Variants in SLAIN1 observed in about 807,000 individuals in gnomAD.
SLAIN1 encodes the protein SLAIN motif-containing protein 1.
Under a neutral mutation model 55.4 loss-of-function variants are expected in SLAIN1, and 17 were observed. That is an observed-to-expected ratio of 0.31 (90% confidence interval 0.21 to 0.46). The LOEUF is 0.46. Ranked by LOEUF, SLAIN1 falls within the 20% of genes least tolerant of loss-of-function variation. SLAIN1 has a pLI of 1.00. For missense variants in SLAIN1, 682 were observed against 785.1 expected, an observed-to-expected ratio of 0.87 and a Z score of 1.57; for synonymous variants, 348 against 337.4, an observed-to-expected ratio of 1.03 and a Z score of -0.35.
intron 1 of SLAIN1, among the ~76,000 whole-genome samples, chr13:77,713,273 T>G (rs2091171410): frequency 6.6e-6 from 1 of 152,002 alleles, no homozygotes; most frequent in Admixed American, 6.6e-5. Context: ...TTGCAATCTA[T>G]CCACCTGACA....
At chr13:77,745,082 C>T (rs984645054) in intron 3 of SLAIN1, among the ~76,000 whole-genome samples, 1 of 151,894 alleles carries the variant, frequency 6.6e-6, no homozygotes, top group East Asian at 1.9e-4. Flanking sequence ...AGGTATAGGG[C>T]TTAGGGTCTC....
intron 4 of SLAIN1, among the ~76,000 whole-genome samples, chr13:77,749,948 C>G (rs891142560): frequency 1.3e-5 from 2 of 152,080 alleles, no homozygotes; most frequent in African/African-American, 4.8e-5. Context: ...GAGGCATAGC[C>G]AAATGTAACG....
chr13:77,698,754 C>G lies in SLAIN1; in HGVS notation c.626+215C>G. The G allele has an allele frequency of 1.8e-6, 2 of 1,137,508 alleles. No homozygotes were observed. The highest frequency in any genetic ancestry group is 2.4e-6 in the Non-Finnish European group (2 of 840,354). The allele number at this position is 1,137,508 out of a possible 1,614,324, so 70.5% of individuals were successfully genotyped here. On this transcript the variant is annotated intron_variant, in intron 1 of 6. Transcript: ENST00000418532. The surrounding 1 kb of genome is among the most constrained non-coding windows in gnomAD (Gnocchi z 4.1). The stretch of plus-strand genomic sequence containing the variant: ...GGCAGAAACCTGTTTTCTAATCGCT[C>G]CGACTGCGGATGAACCGGCCCCCCC...
chr13:77,722,842 G>T (rs1314981919), intron 2 of SLAIN1, among the ~76,000 whole-genome samples: 1 of 152,156 alleles, frequency 6.6e-6, no homozygotes, highest in Admixed American at 6.6e-5. Flanking sequence ...TGCCTCCTGG[G>T]TTCAAGGGAT....
At chr13:77,706,946 C>G (rs1432296839) in intron 1 of SLAIN1, among the ~76,000 whole-genome samples, 1 of 152,044 alleles carries the variant, frequency 6.6e-6, no homozygotes, top group Non-Finnish European at 1.5e-5. Context: ...CTTTTGCTTC[C>G]TTTATTCCTA....
At chr13:77,710,063 C>T (rs1022609962) in intron 1 of SLAIN1, among the ~76,000 whole-genome samples, 3 of 151,996 alleles carry the variant, frequency 2.0e-5, no homozygotes, top group Non-Finnish European at 4.4e-5. Flanking sequence ...TGAGCCACCG[C>T]ATCTGGCCTT....
At chr13:77,712,582 A>G (rs917808907) in intron 1 of SLAIN1, among the ~76,000 whole-genome samples, 6 of 152,238 alleles carry the variant, frequency 3.9e-5, no homozygotes. Flanking sequence ...ATGGAAATAC[A>G]TTCCATGCTC....
chr13:77,712,002 C>T lies in SLAIN1; in HGVS notation c.627-7530C>T, dbSNP rs373885972. The stretch of plus-strand genomic sequence containing the variant: ...AATTAATAGGTGCAGAAAAAGGCAT[C>T]GATAAAATTTATCACCCTTTCATGC... On this transcript the variant is annotated intron_variant, in intron 1 of 6. Coordinates refer to ENST00000418532, the MANE Select transcript of SLAIN1 (RefSeq NM_001242868.2). Among the ~76,000 whole-genome samples the T allele has an allele frequency of 3.1e-3, 479 of 152,116 alleles. 1 individual carries two copies. The highest frequency in any genetic ancestry group is 0.01 in the Middle Eastern group (3 of 294).
At chr13:77,707,140 A>T (rs1277229855) in intron 1 of SLAIN1, among the ~76,000 whole-genome samples, 6 of 150,860 alleles carry the variant, frequency 4.0e-5, no homozygotes, top group Non-Finnish European at 8.8e-5. Flanking sequence ...TTTTTTTAAG[A>T]ACTTGTAACA....
chr13:77,698,157 A>C lies in SLAIN1; in HGVS notation c.244A>C (p.Ser82Arg). The change falls in exon 1 of 7, where the codon AGC (serine) becomes CGC (arginine). Residue 82 changes from serine to arginine, a missense_variant. Transcript: ENST00000418532. The surrounding 1 kb of genome is among the most constrained non-coding windows in gnomAD (Gnocchi z 4.1). The part of the protein sequence containing the change: ...PAGLQPLGPR[S>R]PPAATATAAA... ...TGGCCTGCAGCCTTTGGGTCCTCGG[A>C]GCCCCCCGGCCGCCACGGCCACCGC... 8.7e-7 allele frequency: 1 copy of C among 1,147,520 alleles called. No homozygotes were observed. The highest frequency in any genetic ancestry group is 1.7e-5 in the African/African-American group (1 of 59,492). 71.1% of individuals were successfully genotyped at this position (1,147,520 alleles called of 1,614,324 possible).
chr13:77,722,749 C>T (rs968298419), intron 2 of SLAIN1, among the ~76,000 whole-genome samples: 14 of 151,984 alleles, frequency 9.2e-5, no homozygotes, highest in Admixed American at 2.6e-4. Flanking sequence ...CTTTTTCCAT[C>T]TAACTTTTTT....
chr13:77,760,662 A>G (rs952662966), intron 5 of SLAIN1, among the ~76,000 whole-genome samples, 166 bp from the exon 6 acceptor site: 1 of 152,202 alleles, frequency 6.6e-6, no homozygotes, highest in Non-Finnish European at 1.5e-5. Context: ...TTTGTCAAGG[A>G]TTAGAATTTT....
intron 2 of SLAIN1, among the ~76,000 whole-genome samples, chr13:77,720,319 C>A (rs561689341): frequency 6.6e-6 from 1 of 152,032 alleles, no homozygotes; most frequent in South Asian, 2.1e-4. Flanking sequence ...TCTGTTTGAT[C>A]CTCTGGGAAC....
intron 2 of SLAIN1, chr13:77,741,471 C>T (rs1387503468): frequency 1.0e-4 from 100 of 983,982 alleles, no homozygotes; most frequent in Non-Finnish European, 1.2e-4. Context: ...GTGACATATA[C>T]GACTGGTGTC....
rs116444263 is a variant in SLAIN1 at position 77,748,492 on chromosome 13, A to G, written c.1258+1637A>G. On this transcript the variant is annotated intron_variant, in intron 4 of 6. Coordinates refer to ENST00000418532, the MANE Select transcript of SLAIN1 (RefSeq NM_001242868.2). ...ATGCTAGCTCTGCATCTTGATTGAT[A>G]TTGTCAATGGGATCATTTTTCTCCG... Among the ~76,000 whole-genome samples, 131 of 133,394 alleles carry G rather than the reference A, an allele frequency of 9.8e-4. 1 individual carries two copies. The highest frequency in any genetic ancestry group is 3.7e-3 in the African/African-American group (128 of 34,616). 87.5% of individuals were successfully genotyped at this position (133,394 alleles called of 152,430 possible). A position where few individuals can be genotyped will look rare whatever the true frequency, so the allele number is the denominator to read the frequency against.
rs566836512 is a variant in SLAIN1 at position 77,714,028 on chromosome 13, G to T, written c.627-5504G>T. Among the ~76,000 whole-genome samples, 23 of 152,140 alleles carry T rather than the reference G, an allele frequency of 1.5e-4. 1 individual carries two copies. Among genetic ancestry groups the T allele is most frequent in the African/African-American group, 5.3e-4 (22 of 41,546 alleles). ...CACACACCAGGGCCTGTCGAGGGGT[G>T]GGGGGCTAGGGGAGGGATAGCATTA... On this transcript the variant is annotated intron_variant, in intron 1 of 6. Transcript: ENST00000418532.
rs1175587702 is a variant in SLAIN1, at chr13:77,698,150, TC to T, written c.239del (p.Pro80LeufsTer119). 8.9e-7 allele frequency: 1 copy of T among 1,125,012 alleles called. No individual in the cohort carries two copies. The highest frequency in any genetic ancestry group is 1.1e-6 in the Non-Finnish European group (1 of 915,514). 69.7% of individuals were successfully genotyped at this position (1,125,012 alleles called of 1,614,324 possible). ...PPPAGLQPLG[P>X]RSPPAATATA... is the part of the protein sequence containing the mutation. Reference sequence around the variant, plus strand: ...CCCCCGCTGGCCTGCAGCCTTTGGGTCCTCGGAGCCCCCCGGCCGCCACGGC... The same window carrying T: ...CCCCCGCTGGCCTGCAGCCTTTGGGTCTCGGAGCCCCCCGGCCGCCACGGC... On this transcript the variant is annotated frameshift_variant, in exon 1 of 7. Transcript: ENST00000418532. LOFTEE classifies it high-confidence loss of function. This position sits in a 1 kb window ranked among gnomAD's most constrained non-coding sequence, Gnocchi z 4.1.
At chr13:77,737,035 A>G (rs1308314094) in intron 2 of SLAIN1, among the ~76,000 whole-genome samples, 1 of 151,164 alleles carries the variant, frequency 6.6e-6, no homozygotes, top group African/African-American at 2.4e-5. Context: ...CTGAACTCCA[A>G]CTCCATACTG....
intron 2 of SLAIN1, among the ~76,000 whole-genome samples, chr13:77,725,426 C>G (rs1206551694): frequency 6.6e-6 from 1 of 152,158 alleles, no homozygotes; most frequent in Non-Finnish European, 1.5e-5. Flanking sequence ...CTACCCTCTC[C>G]TTTTCACCCT....
Sources: allele counts gnomAD v4.1 joint callset (sites outside exome capture counted in the v4.1 genomes callset), GRCh38; gene constraint gnomAD v4.1.1; non-coding constraint Gnocchi (gnomAD v3.1); transcripts MANE v1.5; gene names NCBI Gene and HGNC (gene_info 2026-07-23, HGNC 2026-07-21).